SRPK2: variants seen among roughly 807,000 people sequenced by gnomAD.
The protein encoded by SRPK2 is SFRS protein kinase 2.
A neutral mutation model predicts 90.8 loss-of-function variants in SRPK2; 21 were observed. That is an observed-to-expected ratio of 0.23 (90% CI 0.16 to 0.33). SRPK2 has a LOEUF of 0.33. SRPK2 is among the 10% of genes least tolerant of loss of function. The probability of loss-of-function intolerance (pLI) is 1.00; values close to 1 mark genes in which losing one functional copy is unlikely to be tolerated. For synonymous variants in SRPK2, 288 were observed against 311.1 expected, an observed-to-expected ratio of 0.93 and a Z score of 0.78; for missense variants, 620 against 869.0, an observed-to-expected ratio of 0.71 and a Z score of 3.60.
Position 105,208,629 on chromosome 7 carries a change from G to A in SRPK2, c.72-4844C>T, listed in dbSNP as rs1321775852. ...GTAAATCAGTGGATGCTCATATCGG[G>A]GGTTGGGGAAATGGAGAAAAAAGGA... On this transcript the variant is annotated intron_variant, in intron 2 of 15. Coordinates refer to ENST00000393651, the MANE Select transcript of SRPK2 (RefSeq NM_182692.3). 2.9e-4 allele frequency among the ~76,000 whole-genome samples: 44 copies of A among 152,126 alleles called. 3 individuals are homozygous for A. The highest frequency in any genetic ancestry group is 2.9e-3 in the Admixed American group (44 of 15,270).
intron 2 of SRPK2, among the ~76,000 whole-genome samples, chr7:105,383,400 G>C (rs1158909699): frequency 6.9e-6 from 1 of 145,822 alleles, no homozygotes; most frequent in Non-Finnish European, 1.5e-5. Context: ...AATTTTACAA[G>C]AACAAAAAAC....
chr7:105,160,262 A>G (rs991759155), intron 7 of SRPK2: 4 of 294,604 alleles, frequency 1.4e-5, no homozygotes, highest in South Asian at 2.5e-4. Flanking sequence ...TAAAAAAAAA[A>G]ACGACAGGCA....
intron 3 of SRPK2, among the ~76,000 whole-genome samples, chr7:105,185,631 A>C (rs1035871349): frequency 2.0e-5 from 3 of 152,210 alleles, no homozygotes. Flanking sequence ...AAAAATGAGA[A>C]AGAGAAAAAA....
At chr7:105,385,153 T>A in intron 2 of SRPK2, among the ~76,000 whole-genome samples, 1 of 129,510 alleles carries the variant, frequency 7.7e-6, no homozygotes. Flanking sequence ...ATTACAGGCG[T>A]GAGCCACCGC....
chr7:105,389,673 G>A (rs758387419), upstream of SRPK2, among the ~76,000 whole-genome samples: 7 of 152,124 alleles, frequency 4.6e-5, no homozygotes, highest in Non-Finnish European at 1.0e-4. Context: ...GAGTCCCAAC[G>A]AGGTTAAAAA....
intron 2 of SRPK2, among the ~76,000 whole-genome samples, chr7:105,333,609 T>C (rs2131746560): frequency 6.6e-6 from 1 of 152,366 alleles, no homozygotes; most frequent in African/African-American, 2.4e-5. Flanking sequence ...CCAATCTCTT[T>C]CCTGCTTTCC....
At chr7:105,151,546 TTC>T (rs1805651424) in intron 7 of SRPK2, among the ~76,000 whole-genome samples, 1 of 152,244 alleles carries the variant, frequency 6.6e-6, no homozygotes, top group Non-Finnish European at 1.5e-5. Flanking sequence ...AAAAATTAAT[TTC>T]TTTTTAGAGA....
intron 2 of SRPK2, among the ~76,000 whole-genome samples, chr7:105,216,849 G>GA (rs1797534676): frequency 6.6e-6 from 1 of 152,120 alleles, no homozygotes; most frequent in East Asian, 1.9e-4. Context: ...ACCAATCCAT[G>GA]AGAACTCAAG....
intron 3 of SRPK2, among the ~76,000 whole-genome samples, chr7:105,183,771 T>C (rs911434541): frequency 4.6e-5 from 7 of 152,112 alleles, no homozygotes; most frequent in Admixed American, 2.6e-4. Flanking sequence ...GTTACAGGTG[T>C]GAGCCACCAC....
At chr7:105,174,383 T>A (rs966352195) in intron 3 of SRPK2, among the ~76,000 whole-genome samples, 10 of 152,148 alleles carry the variant, frequency 6.6e-5, no homozygotes, top group Non-Finnish European at 1.3e-4. Context: ...TCCATGACAA[T>A]GTTCTGGAAG....
intron 2 of SRPK2, among the ~76,000 whole-genome samples, chr7:105,240,265 A>G (rs943990197): frequency 6.6e-6 from 1 of 152,152 alleles, no homozygotes; most frequent in Non-Finnish European, 1.5e-5. Context: ...CATGAGAGCT[A>G]TGTGTTGGTG....
In SRPK2 at chr7:105,388,853, G is replaced by A; in HGVS notation, c.-47C>T. ...CGGGGGGCTTCGCGACGGCGACGCG[G>A]GCGCCGAGACGAGCTGGGCTGCAGC... On this transcript the variant is annotated 5_prime_UTR_variant, in exon 1 of 16. Coordinates refer to ENST00000393651, the MANE Select transcript of SRPK2 (RefSeq NM_182692.3). The A allele has an allele frequency of 1.5e-6, 2 of 1,314,544 alleles. No homozygotes were observed. The highest frequency in any genetic ancestry group is 9.6e-7 in the Non-Finnish European group (1 of 1,037,892). The allele number at this position is 1,314,544 out of a possible 1,614,324, so 81.4% of individuals were successfully genotyped here.
intron 3 of SRPK2, among the ~76,000 whole-genome samples, chr7:105,174,081 A>AT (rs1388446645): frequency 6.6e-5 from 8 of 120,974 alleles, no homozygotes; most frequent in African/African-American, 1.9e-4. Flanking sequence ...CCTGTCTCTA[A>AT]TAAAAAAAAA....
intron 2 of SRPK2, among the ~76,000 whole-genome samples, chr7:105,359,460 C>T (rs986336790): frequency 2.0e-5 from 3 of 152,044 alleles, no homozygotes; most frequent in Admixed American, 1.3e-4. Context: ...GCCAGGCCCA[C>T]AGCACTATTT....
intron 11 of SRPK2, among the ~76,000 whole-genome samples, chr7:105,133,371 T>TC (rs1802313946): frequency 6.6e-6 from 1 of 152,178 alleles, no homozygotes; most frequent in African/African-American, 2.4e-5. Flanking sequence ...TTTCTTCGGG[T>TC]CCAGGTCAGC....
In SRPK2 at chr7:105,316,016, T is replaced by C. The variant is rs138890795; in HGVS notation, c.71+72632A>G. 9.0e-5 allele frequency among the ~76,000 whole-genome samples: 12 copies of C among 133,804 alleles called. 1 individual carries two copies. Among genetic ancestry groups the C allele is most frequent in the African/African-American group, 2.8e-4 (11 of 38,794 alleles). The allele number at this position is 133,804 out of a possible 152,430, so 87.8% of individuals were successfully genotyped here. A position where few individuals can be genotyped will look rare whatever the true frequency, so the allele number is the denominator to read the frequency against. On this transcript the variant is annotated intron_variant, in intron 2 of 15. Coordinates refer to ENST00000393651, the MANE Select transcript of SRPK2 (RefSeq NM_182692.3). ...TGTACACTAAACGAAAAGACATCTT[T>C]AGGTAATTTTTTTTTTTTTTTTTTT...
intron 2 of SRPK2, among the ~76,000 whole-genome samples, chr7:105,286,983 C>T (rs916864482): frequency 6.6e-5 from 10 of 152,048 alleles, no homozygotes; most frequent in Admixed American, 1.3e-4. Context: ...GGATGCAGGC[C>T]GGGCGCGGTG....
chr7:105,252,584 C>T (rs1038913354), intron 2 of SRPK2, among the ~76,000 whole-genome samples: 4 of 152,100 alleles, frequency 2.6e-5, no homozygotes, highest in African/African-American at 9.7e-5. Context: ...TATCTTCCAT[C>T]AGTGGAAGAC....
At chr7:105,365,511 T>TAAAA in intron 2 of SRPK2, among the ~76,000 whole-genome samples, 6 of 91,394 alleles carry the variant, frequency 6.6e-5, no homozygotes, top group African/African-American at 3.0e-4. Flanking sequence ...AAAAAAAAAT[T>TAAAA]ATATATATAT....
Sources: allele counts gnomAD v4.1 joint callset (sites outside exome capture counted in the v4.1 genomes callset), GRCh38; gene constraint gnomAD v4.1.1; transcripts MANE v1.5; gene names NCBI Gene and HGNC (gene_info 2026-07-23, HGNC 2026-07-21).